Variants in AFM observed in about 807,000 individuals in gnomAD.
AFM encodes the protein alpha-Alb.
In AFM, 82 loss-of-function variants were observed where a neutral mutation model predicts 68.7. The observed-to-expected ratio is 1.19, with a 90% CI of 1.00 to 1.43. The LOEUF (loss-of-function observed/expected upper bound fraction) is 1.43, where lower values mean the gene tolerates loss of function less well. Among genes scored for constraint, AFM ranks in the 40% most tolerant of loss-of-function variants. The probability of loss-of-function intolerance (pLI) is 0.00; values close to 1 mark genes in which losing one functional copy is unlikely to be tolerated. For missense variants in AFM, 772 were observed against 701.8 expected, an observed-to-expected ratio of 1.10 and a Z score of -1.13; for synonymous variants, 250 against 234.2, an observed-to-expected ratio of 1.07 and a Z score of -0.61.
intron 8 of AFM, among the ~76,000 whole-genome samples, chr4:73,494,019 T>C (rs1721175527): frequency 6.6e-6 from 1 of 151,708 alleles, no homozygotes; most frequent in South Asian, 2.1e-4. Flanking sequence ...AGAGTAAGCT[T>C]CCAGGGATTT....
Position 73,494,459 on chromosome 4 carries a change from G to A in AFM, c.1059-841G>A, listed in dbSNP as rs1721197586. Among the ~76,000 whole-genome samples, 3 of 152,052 alleles carry A rather than the reference G, an allele frequency of 2.0e-5. 1 individual carries two copies. The highest frequency in any genetic ancestry group is 2.0e-4 in the Admixed American group (3 of 15,256). ...TACTTCAAGATGACATCTCTGTCTTGAGAAAAGAGTTCGCTTGGTAAAGAA... is the reference window on the plus strand; with the variant it reads ...TACTTCAAGATGACATCTCTGTCTTAAGAAAAGAGTTCGCTTGGTAAAGAA... On this transcript the variant is annotated intron_variant, in intron 8 of 14. Transcript: ENST00000226355.
At chr4:73,496,600 C>T (rs12331864) in intron 9 of AFM, among the ~76,000 whole-genome samples, 7,699 of 152,210 alleles carry the variant, frequency 0.051, 622 homozygotes, top group African/African-American at 0.18. Flanking sequence ...ACCAACATTG[C>T]ACATGGAAAT....
chr4:73,500,314 T>G (rs1412956551), intron 12 of AFM, 87 bp downstream of exon 12: 1 of 1,137,318 alleles, frequency 8.8e-7, no homozygotes, highest in Non-Finnish European at 1.3e-6. Flanking sequence ...TGGATATGTC[T>G]TTTTGATATC....
At chr4:73,483,565 T>C (rs1175924381) in intron 1 of AFM, among the ~76,000 whole-genome samples, 1 of 152,236 alleles carries the variant, frequency 6.6e-6, no homozygotes, top group Non-Finnish European at 1.5e-5. Flanking sequence ...CATCAGGCTC[T>C]GTTATGGCAT....
At chr4:73,501,675 T>C (rs765852700) in intron 12 of AFM, 112 bp from the exon 13 acceptor site, 111 of 1,217,224 alleles carry the variant, frequency 9.1e-5, no homozygotes, top group Non-Finnish European at 1.2e-4. Context: ...TTCAACTCTT[T>C]ACCCACACCC....
At chr4:73,495,703 G>A (rs1449523306) in intron 9 of AFM, among the ~76,000 whole-genome samples, 1 of 152,084 alleles carries the variant, frequency 6.6e-6, no homozygotes, top group Non-Finnish European at 1.5e-5. Context: ...TATGTATTCT[G>A]TATTTTATTA....
At chr4:73,500,340 C>A in intron 12 of AFM, 113 bp downstream of exon 12, 2 of 958,092 alleles carry the variant, frequency 2.1e-6, no homozygotes, top group Non-Finnish European at 1.5e-6. Flanking sequence ...CCTGTTCCTT[C>A]CACCAAATTG....
chr4:73,487,100 G>A lies in AFM; in HGVS notation c.615+1G>A, dbSNP rs1451628189. 1.2e-6 allele frequency: 2 copies of A among 1,613,868 alleles called. No homozygotes were observed. Among genetic ancestry groups the A allele is most frequent in the East Asian group, 2.2e-5 (1 of 44,856 alleles). On this transcript the variant is annotated splice_donor_variant, in intron 5 of 14. Coordinates refer to ENST00000226355, the MANE Select transcript of AFM (RefSeq NM_001133.2). LOFTEE classifies it high-confidence loss of function. ...CAAAGTCAACTGCCTTCAAACAAGG[G>A]TGGGTATAGCATTTGTTCCATGAAG...
chr4:73,489,897 A>G (rs1189191774), intron 7 of AFM, among the ~76,000 whole-genome samples: 1 of 152,166 alleles, frequency 6.6e-6, no homozygotes, highest in Non-Finnish European at 1.5e-5. Context: ...TGATAAGTTG[A>G]CAGGTGCAGC....
chr4:73,486,170 T>G, intron 4 of AFM, 97 bp downstream of exon 4: 3 of 1,006,654 alleles, frequency 3.0e-6, no homozygotes, highest in Non-Finnish European at 4.4e-6. Context: ...GTTCATTAAT[T>G]TATTGATTAA....
intron 13 of AFM, among the ~76,000 whole-genome samples, chr4:73,502,745 G>A (rs756613067): frequency 3.9e-5 from 6 of 152,004 alleles, no homozygotes; most frequent in Non-Finnish European, 8.8e-5. Context: ...TTTTTCTGGG[G>A]TACATATTAC....
intron 7 of AFM, 88 bp downstream of exon 7, chr4:73,488,847 T>C: frequency 7.8e-7 from 1 of 1,279,098 alleles, no homozygotes. Flanking sequence ...TGTGGTTACT[T>C]TGCCACAATG....
intron 8 of AFM, among the ~76,000 whole-genome samples, chr4:73,492,405 A>G (rs935424980): frequency 2.6e-5 from 4 of 152,208 alleles, no homozygotes; most frequent in Admixed American, 6.5e-5. Context: ...AGTTTTTCAG[A>G]TGAGCAAGCT....
chr4:73,487,616 T>G (rs1720937277), intron 5 of AFM, 108 bp from the exon 6 acceptor site: 5 of 730,330 alleles, frequency 6.8e-6, no homozygotes, highest in Non-Finnish European at 9.0e-6. Context: ...CTGTAGATTT[T>G]CTGTCTCTGA....
Position 73,483,922 on chromosome 4 carries a change from A to G in AFM, c.89-19A>G. 1.3e-6 allele frequency: 2 copies of G among 1,511,190 alleles called. No homozygotes were observed. Among genetic ancestry groups the G allele is most frequent in the Non-Finnish European group, 1.8e-6 (2 of 1,105,062 alleles). 93.6% of individuals were successfully genotyped at this position (1,511,190 alleles called of 1,614,324 possible). A position where few individuals can be genotyped will look rare whatever the true frequency, so the allele number is the denominator to read the frequency against. ...AGAAAACCATGCTATGTAATAACCT[A>G]AATATTCTTGCTTTTCAGAGAACTT... On this transcript the variant is annotated intron_variant, in intron 1 of 14. Transcript: ENST00000226355.
At chr4:73,499,960 C>G (rs1046531133) in intron 11 of AFM, 44 bp from the exon 12 acceptor site, 1 of 1,517,024 alleles carries the variant, frequency 6.6e-7, no homozygotes, top group Non-Finnish European at 9.1e-7. Flanking sequence ...AAATTCCATT[C>G]AAGTTTTAAG....
rs139818614 is a variant in AFM at position 73,482,869 on chromosome 4, G to A, written c.88+1006G>A. Among the ~76,000 whole-genome samples the A allele has an allele frequency of 4.4e-3, 676 of 152,102 alleles. 5 individuals are homozygous for A. The highest frequency in any genetic ancestry group is 6.5e-3 in the Non-Finnish European group (444 of 68,000). ...CATTACATATACCACTACCTGACTC[G>A]TATTTCTTAGTGTATAGAAATGATC... On this transcript the variant is annotated intron_variant, in intron 1 of 14. Coordinates refer to ENST00000226355, the MANE Select transcript of AFM (RefSeq NM_001133.2).
intron 6 of AFM, among the ~76,000 whole-genome samples, chr4:73,488,303 A>C (rs1347396053): frequency 6.6e-6 from 1 of 152,166 alleles, no homozygotes; most frequent in Non-Finnish European, 1.5e-5. Flanking sequence ...TCTATCATGA[A>C]TTATCTATGC....
At position 73,488,757 on chromosome 4, in the gene AFM, A is replaced by G; in HGVS notation, c.841A>G (p.Thr281Ala). 1 of 1,605,488 alleles carries G rather than the reference A, an allele frequency of 6.2e-7. No homozygotes were observed. The highest frequency in any genetic ancestry group is 8.5e-7 in the Non-Finnish European group (1 of 1,177,594). The stretch of plus-strand genomic sequence containing the variant: ...GGATGTTGTGCAGTGCATCCGTGAC[A>G]CGGTGAATATTCTCTAAAACCAAGT... ...EGDVVQCIRD[T>A]SKVMNHICSK... Residue 281 changes from threonine to alanine, a missense_variant and splice_region_variant, in exon 7 of 15, where the codon ACG becomes GCG. Thr to Ala is a moderately conservative substitution (Grantham distance 58). Coordinates refer to ENST00000226355, the MANE Select transcript of AFM (RefSeq NM_001133.2).
Sources: allele counts gnomAD v4.1 joint callset (sites outside exome capture counted in the v4.1 genomes callset), GRCh38; gene constraint gnomAD v4.1.1; transcripts MANE v1.5; gene names NCBI Gene and HGNC (gene_info 2026-07-23, HGNC 2026-07-21).